The following RSRC1 variants were observed in gnomAD, a reference collection of about 807,000 sequenced individuals.
RSRC1 encodes serine/Arginine-related protein 53.
RSRC1 carries 39 observed loss-of-function variants against 49.1 expected under a neutral mutation model. That is an observed-to-expected ratio of 0.79 (90% CI 0.61 to 1.04). The LOEUF (loss-of-function observed/expected upper bound fraction) is 1.04. RSRC1 is among the 50% of genes least tolerant of loss of function. The pLI, the probability that RSRC1 is intolerant of heterozygous loss-of-function variation, is 0.00. For synonymous variants in RSRC1, 143 were observed against 130.8 expected, an observed-to-expected ratio of 1.09 and a Z score of -0.63; for missense variants, 388 against 402.4, an observed-to-expected ratio of 0.96 and a Z score of 0.31.
intron 7 of RSRC1, among the ~76,000 whole-genome samples, chr3:158,523,861 C>T (rs1471978230): frequency 1.3e-5 from 2 of 152,038 alleles, no homozygotes; most frequent in Non-Finnish European, 2.9e-5. Flanking sequence ...GGCCAATTTT[C>T]TTAAAGTATT....
rs1292912627 is a variant in RSRC1, at chr3:158,487,965, A to AAAAAAC, written c.652+26967_652+26968insCAAAAA. Reference sequence around the variant, plus strand: ...CCATCTCAAGAAAAAAAAAAAAAAAAAAAAAAAAACTGGCTGAATGGGTTT... The same window carrying AAAAAAC: ...CCATCTCAAGAAAAAAAAAAAAAAAAAAAAACAAAAAAAAACTGGCTGAATGGGTTT... On this transcript the variant is annotated intron_variant, in intron 7 of 9. Transcript: ENST00000611884. 4.0e-5 allele frequency among the ~76,000 whole-genome samples: 6 copies of AAAAAAC among 148,390 alleles called. No individual in the cohort carries two copies. In the East Asian group the frequency reaches 1.2e-3, roughly 29 times the overall value.
At chr3:158,461,747 A>G (rs943931150) in intron 7 of RSRC1, among the ~76,000 whole-genome samples, 2 of 151,892 alleles carry the variant, frequency 1.3e-5, no homozygotes, top group Non-Finnish European at 2.9e-5. Context: ...TTCACAGGGT[A>G]GCTATTTCCT....
intron 4 of RSRC1, among the ~76,000 whole-genome samples, chr3:158,272,338 T>C (rs1252498831): frequency 6.6e-6 from 1 of 152,146 alleles, no homozygotes; most frequent in Non-Finnish European, 1.5e-5. Flanking sequence ...TACCGCCAGC[T>C]TGAAATGGAA....
chr3:158,273,346 T>A (rs1438066960), intron 4 of RSRC1, among the ~76,000 whole-genome samples: 1 of 152,114 alleles, frequency 6.6e-6, no homozygotes, highest in Admixed American at 6.5e-5. Flanking sequence ...TCTTTACACA[T>A]ACATATACAC....
intron 1 of RSRC1, among the ~76,000 whole-genome samples, chr3:158,121,062 A>G (rs1041646632): frequency 6.6e-6 from 1 of 151,860 alleles, no homozygotes; most frequent in African/African-American, 2.4e-5. Flanking sequence ...GAAAAACTAT[A>G]TTTTATATTA....
At chr3:158,239,259 G>A (rs1259217382) in intron 4 of RSRC1, among the ~76,000 whole-genome samples, 1 of 152,202 alleles carries the variant, frequency 6.6e-6, no homozygotes, top group Non-Finnish European at 1.5e-5. Context: ...TACACTGTAG[G>A]TGGGAGTGTA....
intron 5 of RSRC1, among the ~76,000 whole-genome samples, chr3:158,330,613 G>GT (rs1349740491): frequency 7.9e-5 from 12 of 151,948 alleles, no homozygotes; most frequent in Admixed American, 6.6e-4. Flanking sequence ...GGATATTTAG[G>GT]TTATTTTTTG....
intron 7 of RSRC1, among the ~76,000 whole-genome samples, chr3:158,488,878 A>C (rs954069992): frequency 6.6e-6 from 1 of 152,222 alleles, no homozygotes; most frequent in African/African-American, 2.4e-5. Context: ...GAGGTCATGC[A>C]GCCTAGCTGT....
intron 4 of RSRC1, among the ~76,000 whole-genome samples, chr3:158,223,412 C>T (rs937010957): frequency 6.6e-6 from 1 of 151,618 alleles, no homozygotes; most frequent in African/African-American, 2.4e-5. Flanking sequence ...TATGTAGGTA[C>T]TTACAGAAGA....
At chr3:158,519,314 A>C (rs571171434) in intron 7 of RSRC1, among the ~76,000 whole-genome samples, 1 of 152,136 alleles carries the variant, frequency 6.6e-6, no homozygotes, top group South Asian at 2.1e-4. Context: ...CTCTTACATT[A>C]GAGTGACCAG....
intron 4 of RSRC1, among the ~76,000 whole-genome samples, chr3:158,277,836 A>G (rs1725903273): frequency 6.6e-6 from 1 of 152,040 alleles, no homozygotes; most frequent in African/African-American, 2.4e-5. Flanking sequence ...CCAGGCTTAT[A>G]TACTGTGGCA....
At chr3:158,326,636 A>G (rs1469700309) in intron 5 of RSRC1, among the ~76,000 whole-genome samples, 1 of 152,030 alleles carries the variant, frequency 6.6e-6, no homozygotes, top group African/African-American at 2.4e-5. Context: ...GTTTGCCAGT[A>G]TTTTATTGAG....
chr3:158,134,251 A>G (rs1716220629), intron 3 of RSRC1, among the ~76,000 whole-genome samples: 1 of 145,058 alleles, frequency 6.9e-6, no homozygotes, highest in Admixed American at 6.7e-5. Flanking sequence ...TTTAATGATT[A>G]TTTATTCTTT....
In RSRC1 at chr3:158,449,587, T is replaced by C. The variant is rs1414159004; in HGVS notation, c.584-11348T>C. On this transcript the variant is annotated intron_variant, in intron 6 of 9. Coordinates refer to ENST00000611884, the MANE Select transcript of RSRC1 (RefSeq NM_001271838.2). ...TGAGAAATTTGTGTTCTGTGCAATATGCTGTGAGTAATACTGGGCCAGAGG... is the reference window on the plus strand; with the variant it reads ...TGAGAAATTTGTGTTCTGTGCAATACGCTGTGAGTAATACTGGGCCAGAGG... Among the ~76,000 whole-genome samples the C allele has an allele frequency of 3.3e-5, 5 of 151,848 alleles. No individual in the cohort carries two copies. The East Asian group carries it at 9.6e-4, about 29-fold the overall frequency.
intron 4 of RSRC1, among the ~76,000 whole-genome samples, chr3:158,278,229 T>C (rs1016048181): frequency 6.6e-6 from 1 of 152,208 alleles, no homozygotes; most frequent in Non-Finnish European, 1.5e-5. Flanking sequence ...AAATACCACA[T>C]TTTACATTCA....
chr3:158,342,380 G>A (rs1258452536), intron 5 of RSRC1, among the ~76,000 whole-genome samples: 4 of 152,102 alleles, frequency 2.6e-5, no homozygotes. Flanking sequence ...TGCTATTCTC[G>A]TGATAGTGAA....
At chr3:158,437,582 T>C (rs1736120396) in intron 6 of RSRC1, among the ~76,000 whole-genome samples, 1 of 152,130 alleles carries the variant, frequency 6.6e-6, no homozygotes, top group South Asian at 2.1e-4. Flanking sequence ...ATCTCCATAG[T>C]GCAGAAAAGG....
At chr3:158,300,456 C>T (rs144197845) in intron 5 of RSRC1, among the ~76,000 whole-genome samples, 1 of 152,172 alleles carries the variant, frequency 6.6e-6, no homozygotes, top group Admixed American at 6.5e-5. Flanking sequence ...AAGGTTCATG[C>T]CTAAAATGGA....
At chr3:158,278,646 A>T (rs1725956175) in intron 4 of RSRC1, among the ~76,000 whole-genome samples, 1 of 152,230 alleles carries the variant, frequency 6.6e-6, no homozygotes, top group Non-Finnish European at 1.5e-5. Flanking sequence ...TGTCTTCAAC[A>T]GTTTGAACAA....
Sources: allele counts gnomAD v4.1 joint callset (sites outside exome capture counted in the v4.1 genomes callset), GRCh38; gene constraint gnomAD v4.1.1; transcripts MANE v1.5; gene names NCBI Gene and HGNC (gene_info 2026-07-23, HGNC 2026-07-21).